PCDHA7: variants seen among roughly 807,000 people sequenced by gnomAD.
The protein encoded by PCDHA7 is protocadherin alpha 7.
In PCDHA7, 37 loss-of-function variants were observed where a neutral mutation model predicts 57.2. The observed-to-expected ratio is 0.65, with a 90% CI of 0.50 to 0.85. PCDHA7 has a LOEUF of 0.85. Ranked by LOEUF, PCDHA7 falls within the 40% of genes least tolerant of loss-of-function variation. The pLI, the probability that PCDHA7 is intolerant of heterozygous loss-of-function variation, is 0.00. For synonymous variants in PCDHA7, 553 were observed against 558.8 expected, an observed-to-expected ratio of 0.99 and a Z score of 0.15; for missense variants, 1,188 against 1,241.8, an observed-to-expected ratio of 0.96 and a Z score of 0.65.
At chr5:140,991,025 A>G (rs1440890555) in intron 3 of PCDHA7, among the ~76,000 whole-genome samples, 2 of 152,208 alleles carry the variant, frequency 1.3e-5, no homozygotes, top group African/African-American at 4.8e-5. Flanking sequence ...CACTTTACAT[A>G]TGTTGCATAC....
chr5:141,011,997 A>G lies in PCDHA7; in HGVS notation c.*2060A>G, dbSNP rs2098422641. ...TGTCTACTTTTAGCTTCATTCTCCCATATTTTGAAGGGTGTGTAACTTCAG... is the reference window on the plus strand; with the variant it reads ...TGTCTACTTTTAGCTTCATTCTCCCGTATTTTGAAGGGTGTGTAACTTCAG... On this transcript the variant is annotated 3_prime_UTR_variant, in exon 4 of 4. Coordinates refer to ENST00000525929, the MANE Select transcript of PCDHA7 (RefSeq NM_018910.3). 1 of 153,712 alleles carries G rather than the reference A, an allele frequency of 6.5e-6. No homozygotes were observed. Among genetic ancestry groups the G allele is most frequent in the Non-Finnish European group, 1.5e-5 (1 of 68,034 alleles). 9.5% of individuals were successfully genotyped at this position (153,712 alleles called of 1,614,324 possible).
intron 1 of PCDHA7, among the ~76,000 whole-genome samples, chr5:140,893,688 C>G (rs903086896): frequency 6.6e-6 from 1 of 152,168 alleles, no homozygotes; most frequent in Admixed American, 6.5e-5. Context: ...TATATCATCT[C>G]ATTCTATCCT....
chr5:140,848,500 T>A, intron 1 of PCDHA7: 2 of 1,585,030 alleles, frequency 1.3e-6, no homozygotes, highest in Non-Finnish European at 1.7e-6. Flanking sequence ...TTTGAAATGT[T>A]ATACTCAAGT....
Position 140,835,506 on chromosome 5 carries a change from T to A in PCDHA7, c.1123T>A (p.Phe375Ile), listed in dbSNP as rs1261915665. Residue 375 changes from phenylalanine (F) to isoleucine (I), a missense_variant, in exon 1 of 4, where the codon TTT becomes ATT. Phe to Ile is a conservative substitution (Grantham distance 21). Transcript: ENST00000525929. ...PGTVITLISV[F>I]DRDFGVNGQV... ...TACCGTCATCACATTGATTAGCGTG[T>A]TTGACCGAGATTTTGGAGTCAACGG... is the stretch of plus-strand genomic sequence containing the variant. 1.2e-6 allele frequency: 2 copies of A among 1,613,822 alleles called. No individual in the cohort carries two copies. The highest frequency in any genetic ancestry group is 1.7e-6 in the Non-Finnish European group (2 of 1,179,888).
intron 1 of PCDHA7, among the ~76,000 whole-genome samples, chr5:140,894,192 T>C (rs1554185971): frequency 4.6e-5 from 7 of 152,168 alleles, no homozygotes; most frequent in Non-Finnish European, 1.5e-5. Flanking sequence ...TTATATATTT[T>C]TTCTATGCTA....
At chr5:140,844,047 C>T (rs2150368498) in intron 1 of PCDHA7, among the ~76,000 whole-genome samples, 3 of 149,604 alleles carry the variant, frequency 2.0e-5, no homozygotes, top group East Asian at 1.9e-4. Context: ...TGAAAGTATT[C>T]CCCCAAAGCG....
At chr5:140,967,870 G>T in intron 1 of PCDHA7, 1 of 1,614,152 alleles carries the variant, frequency 6.2e-7, no homozygotes, top group Non-Finnish European at 8.5e-7. Flanking sequence ...TGGTGCTCAC[G>T]GACCTGTATA....
At chr5:140,911,539 C>T (rs1554194791) in intron 1 of PCDHA7, among the ~76,000 whole-genome samples, 1 of 152,194 alleles carries the variant, frequency 6.6e-6, no homozygotes, top group African/African-American at 2.4e-5. Context: ...ATTAGAATCC[C>T]TAAGTTCATC....
chr5:140,917,223 C>G (rs1351907671), intron 1 of PCDHA7, among the ~76,000 whole-genome samples: 3 of 150,934 alleles, frequency 2.0e-5, no homozygotes, highest in African/African-American at 7.3e-5. Context: ...TTTAGTGATA[C>G]GTTGTTAAAT....
chr5:140,925,947 G>A (rs1447488918), intron 1 of PCDHA7, among the ~76,000 whole-genome samples: 1 of 152,066 alleles, frequency 6.6e-6, no homozygotes, highest in Non-Finnish European at 1.5e-5. Flanking sequence ...CTTGGAGAAG[G>A]AGAAACTGCT....
chr5:140,988,675 A>C (rs574653772), intron 3 of PCDHA7, among the ~76,000 whole-genome samples: 1 of 152,228 alleles, frequency 6.6e-6, no homozygotes, highest in East Asian at 1.9e-4. Context: ...ACTCTAAGAT[A>C]ATTCTTTCCC....
At chr5:140,893,763 TG>T (rs1554185760) in intron 1 of PCDHA7, among the ~76,000 whole-genome samples, 1 of 152,156 alleles carries the variant, frequency 6.6e-6, no homozygotes, top group African/African-American at 2.4e-5. Flanking sequence ...ATAGGTGACT[TG>T]TCACTTTTCT....
At chr5:140,884,908 T>C (rs1056953779) in intron 1 of PCDHA7, among the ~76,000 whole-genome samples, 1 of 152,234 alleles carries the variant, frequency 6.6e-6, no homozygotes, top group Admixed American at 6.5e-5. Flanking sequence ...TGTTGTATTC[T>C]TAATAGTTCT....
rs1554156315 is a variant in PCDHA7 at position 140,862,411 on chromosome 5, A to C, written c.2355+25673A>C. ...CTTCAAGCTGGTGTCTACCTTCAAA[A>C]GGCGCTGCCCAGAAACTATTCGTTG... On this transcript the variant is annotated intron_variant, in intron 1 of 3. Transcript: ENST00000525929. 3 of 349,868 alleles carry C rather than the reference A, an allele frequency of 8.6e-6. No individual in the cohort carries two copies. The Admixed American group carries it at 1.1e-4, about 13-fold the overall frequency. The allele number at this position is 349,868 out of a possible 1,614,324, so 21.7% of individuals were successfully genotyped here.
At chr5:140,838,280 A>T (rs1252322835) in intron 1 of PCDHA7, among the ~76,000 whole-genome samples, 4 of 139,572 alleles carry the variant, frequency 2.9e-5, no homozygotes, top group Non-Finnish European at 4.6e-5. Flanking sequence ...AGCCATGCTA[A>T]TTTTTTTTTT....
chr5:140,850,585 A>T lies in PCDHA7; in HGVS notation c.2355+13847A>T. 6.3e-6 allele frequency: 10 copies of T among 1,598,426 alleles called. 3 individuals carry two copies. Among genetic ancestry groups the T allele is most frequent in the African/African-American group, 1.3e-5 (1 of 74,476 alleles). On this transcript the variant is annotated intron_variant, in intron 1 of 3. Transcript: ENST00000525929. ...CCCGAGGTGACGCTGGTGGATGTCA[A>T]CGTGTACCTGATCATCGCCATCTGC... is the stretch of plus-strand genomic sequence containing the variant.
At chr5:140,976,250 A>C (rs1420287471) in intron 1 of PCDHA7, among the ~76,000 whole-genome samples, 1 of 152,144 alleles carries the variant, frequency 6.6e-6, no homozygotes, top group Non-Finnish European at 1.5e-5. Flanking sequence ...ATGTAAATTT[A>C]TTTAAAACAC....
chr5:140,846,663 C>T lies in PCDHA7; in HGVS notation c.2355+9925C>T, dbSNP rs182609194. ...TGCTGGGATTACAGGCATGAGCCAC[C>T]GCGCCCAGCCTAAAATGCTTTCTTA... On this transcript the variant is annotated intron_variant, in intron 1 of 3. Transcript: ENST00000525929. 1.7e-3 allele frequency among the ~76,000 whole-genome samples: 253 copies of T among 149,206 alleles called. 23 individuals carry two copies. Among genetic ancestry groups the T allele is most frequent in the Middle Eastern group, 3.5e-3 (1 of 286 alleles).
chr5:140,855,868 A>C, intron 1 of PCDHA7: 1 of 837,366 alleles, frequency 1.2e-6, no homozygotes, highest in Non-Finnish European at 1.8e-6. Flanking sequence ...GCTGTCGTCC[A>C]CAAAATAGCT....
Sources: gnomAD v4.1 joint callset for allele counts (sites outside exome capture counted in the v4.1 genomes callset) on GRCh38, gnomAD v4.1.1 for gene constraint, MANE v1.5 for transcripts, NCBI Gene and HGNC (gene_info 2026-07-23, HGNC 2026-07-21) for gene names.